IGF2BP3: variants seen among roughly 807,000 people sequenced by gnomAD.
IGF2BP3 encodes insulin-like growth factor 2 mRNA-binding protein 3.
IGF2BP3 carries 9 observed loss-of-function variants against 73.8 expected under a neutral mutation model. That is an observed-to-expected ratio of 0.12 (90% CI 0.07 to 0.21). The LOEUF (loss-of-function observed/expected upper bound fraction) is 0.21, where lower values mean the gene tolerates loss of function less well. IGF2BP3 is among the 10% of genes least tolerant of loss of function. The probability of loss-of-function intolerance (pLI) is 1.00; values close to 1 mark genes in which losing one functional copy is unlikely to be tolerated. For missense variants in IGF2BP3, 542 were observed against 714.0 expected (o/e 0.76, Z 2.75); for synonymous variants, 258 against 256.7 (o/e 1.01, Z -0.05).
intron 3 of IGF2BP3, among the ~76,000 whole-genome samples, chr7:23,400,429 A>G (rs1477407129): frequency 6.6e-6 from 1 of 152,156 alleles, no homozygotes; most frequent in Non-Finnish European, 1.5e-5. Flanking sequence ...TTTGAGGACA[A>G]TGCTATCAGA....
chr7:23,432,035 A>C (rs1180068565), intron 2 of IGF2BP3, among the ~76,000 whole-genome samples: 1 of 152,208 alleles, frequency 6.6e-6, no homozygotes, highest in Admixed American at 6.5e-5. Flanking sequence ...CACAGTTCTA[A>C]GTGAGAATCT....
chr7:23,383,016 A>G (rs1238802175), intron 3 of IGF2BP3, among the ~76,000 whole-genome samples: 1 of 151,636 alleles, frequency 6.6e-6, no homozygotes, highest in Non-Finnish European at 1.5e-5. Context: ...GAGGTGAGCT[A>G]TGATGGCGCC....
Position 23,312,121 on chromosome 7 carries a change from C to A in IGF2BP3, c.*241G>T. 4.6e-6 allele frequency: 2 copies of A among 438,634 alleles called. No individual in the cohort carries two copies. The highest frequency in any genetic ancestry group is 7.4e-5 in the East Asian group (2 of 26,848). The allele number at this position is 438,634 out of a possible 1,614,324, so 27.2% of individuals were successfully genotyped here. On this transcript the variant is annotated 3_prime_UTR_variant, in exon 15 of 15. Transcript: ENST00000258729. The stretch of plus-strand genomic sequence containing the variant: ...AGAGCTCTTCTCTTTCCCTCCCTCC[C>A]CCACCCTTTTTTTGTTTGTTTGTTT...
chr7:23,376,540 G>GAA (rs763360484), intron 3 of IGF2BP3, among the ~76,000 whole-genome samples: 2 of 88,668 alleles, frequency 2.3e-5, no homozygotes, highest in Admixed American at 1.3e-4. Flanking sequence ...ATCTCCCAAA[G>GAA]AAAAAAAAAA....
chr7:23,338,754 G>A (rs1432723513), intron 10 of IGF2BP3, among the ~76,000 whole-genome samples: 1 of 152,066 alleles, frequency 6.6e-6, no homozygotes, highest in Non-Finnish European at 1.5e-5. Flanking sequence ...TATAATTTAA[G>A]TATGGGAAAA....
chr7:23,451,786 G>T (rs1176431184), intron 2 of IGF2BP3, among the ~76,000 whole-genome samples: 1 of 150,700 alleles, frequency 6.6e-6, no homozygotes, highest in Non-Finnish European at 1.5e-5. Context: ...CTGTCCTACT[G>T]AAAATACAAA....
At chr7:23,460,373 C>CA (rs921250358) in intron 2 of IGF2BP3, among the ~76,000 whole-genome samples, 57 of 149,514 alleles carry the variant, frequency 3.8e-4, no homozygotes, top group South Asian at 6.3e-4. Context: ...ACTAAATATA[C>CA]AAAAAAAAAT....
At chr7:23,384,871 A>G (rs1389023969) in intron 3 of IGF2BP3, among the ~76,000 whole-genome samples, 1 of 141,374 alleles carries the variant, frequency 7.1e-6, no homozygotes, top group East Asian at 2.1e-4. Flanking sequence ...GGCCTGGGTG[A>G]CAGAGTGAGA....
intron 2 of IGF2BP3, among the ~76,000 whole-genome samples, chr7:23,451,520 G>A (rs569947910): frequency 2.6e-5 from 4 of 152,146 alleles, no homozygotes; most frequent in South Asian, 4.1e-4. Flanking sequence ...CTTGAACCCA[G>A]GAGGTGGAGG....
chr7:23,458,703 T>A (rs775823129), intron 2 of IGF2BP3, among the ~76,000 whole-genome samples: 3 of 152,236 alleles, frequency 2.0e-5, no homozygotes, highest in African/African-American at 7.2e-5. Context: ...GTCTCATTTT[T>A]CTGTCTTAAA....
At position 23,312,131 on chromosome 7, in the gene IGF2BP3, T is replaced by TTTTGTTTG. The variant is rs140134335; in HGVS notation, c.*223_*230dup. The TTTTGTTTG allele has an allele frequency of 9.8e-5, 44 of 449,930 alleles. No homozygotes were observed. Among genetic ancestry groups the TTTTGTTTG allele is most frequent in the African/African-American group, 8.4e-4 (40 of 47,782 alleles). 27.9% of individuals were successfully genotyped at this position (449,930 alleles called of 1,614,324 possible). A position where few individuals can be genotyped will look rare whatever the true frequency, so the allele number is the denominator to read the frequency against. ...TCTTTCCCTCCCTCCCCCACCCTTT[T>TTTTGTTTG]TTTGTTTGTTTGTTTGTTTGTTTTA... On this transcript the variant is annotated 3_prime_UTR_variant, in exon 15 of 15. Coordinates refer to ENST00000258729, the MANE Select transcript of IGF2BP3 (RefSeq NM_006547.3).
chr7:23,390,041 A>G (rs1786223045), intron 3 of IGF2BP3, among the ~76,000 whole-genome samples: 1 of 152,138 alleles, frequency 6.6e-6, no homozygotes, highest in African/African-American at 2.4e-5. Flanking sequence ...CAAGTGAAAT[A>G]ACGATGCTAG....
intron 3 of IGF2BP3, among the ~76,000 whole-genome samples, chr7:23,377,576 T>A (rs996610983): frequency 8.5e-5 from 13 of 152,300 alleles, no homozygotes; most frequent in Admixed American, 5.2e-4. Context: ...TGGTTGTTCT[T>A]CAAAAAGTTA....
chr7:23,417,193 A>G (rs1688783476), intron 3 of IGF2BP3, among the ~76,000 whole-genome samples: 2 of 152,230 alleles, frequency 1.3e-5, no homozygotes, highest in Admixed American at 1.3e-4. Flanking sequence ...TCTCAATAAA[A>G]TTGTTTTTGT....
At chr7:23,454,853 A>G (rs553999689) in intron 2 of IGF2BP3, among the ~76,000 whole-genome samples, 1 of 152,360 alleles carries the variant, frequency 6.6e-6, no homozygotes, top group Non-Finnish European at 1.5e-5. Flanking sequence ...ATATAATACC[A>G]GGAGCTTTAA....
At chr7:23,404,117 G>A (rs1294336492) in intron 3 of IGF2BP3, among the ~76,000 whole-genome samples, 1 of 151,664 alleles carries the variant, frequency 6.6e-6, no homozygotes, top group Non-Finnish European at 1.5e-5. Context: ...ACTCCAGCCT[G>A]GGTGACAGAG....
chr7:23,375,258 T>C (rs1009013534), intron 3 of IGF2BP3, among the ~76,000 whole-genome samples: 1 of 152,164 alleles, frequency 6.6e-6, no homozygotes, highest in Non-Finnish European at 1.5e-5. Flanking sequence ...CAATCTGTCA[T>C]CTTGGTGATC....
chr7:23,416,922 G>A (rs1787206015), intron 3 of IGF2BP3, among the ~76,000 whole-genome samples: 2 of 152,182 alleles, frequency 1.3e-5, no homozygotes, highest in South Asian at 4.1e-4. Flanking sequence ...AGGCGTGGTT[G>A]GCGGATGCCT....
intron 3 of IGF2BP3, 65 bp from the exon 4 acceptor site, chr7:23,361,806 T>C (rs1351924320): frequency 2.1e-6 from 3 of 1,408,990 alleles, no homozygotes. Context: ...AGGGCAGGAA[T>C]ATGTCTTAAA....
Sources: allele counts gnomAD v4.1 joint callset (sites outside exome capture counted in the v4.1 genomes callset), GRCh38; gene constraint gnomAD v4.1.1; transcripts MANE v1.5; gene names NCBI Gene and HGNC (gene_info 2026-07-23, HGNC 2026-07-21).